SENP6: variants seen among roughly 807,000 people sequenced by gnomAD.
The protein encoded by SENP6 is sentrin-specific protease 6.
In SENP6, 41 loss-of-function variants were observed where a neutral mutation model predicts 134.5. The ratio of observed to expected loss-of-function variants is 0.30; its 90% confidence interval spans 0.24 to 0.40. The LOEUF (loss-of-function observed/expected upper bound fraction) is 0.40. SENP6 is among the 10% of genes least tolerant of loss of function. The pLI, the probability that SENP6 is intolerant of heterozygous loss-of-function variation, is 1.00. For synonymous variants in SENP6, 395 were observed against 429.8 expected (o/e 0.92, Z 1.00); for missense variants, 1,248 against 1,312.5 (o/e 0.95, Z 0.76).
chr6:75,712,521 TA>T (rs796632478), intron 21 of SENP6, among the ~76,000 whole-genome samples: 249 of 145,100 alleles, frequency 1.7e-3, no homozygotes, highest in African/African-American at 4.1e-3. Context: ...TGGAAAAAGT[TA>T]AAAAAAAAAA....
At chr6:75,652,861 T>C (rs768584708) in intron 7 of SENP6, among the ~76,000 whole-genome samples, 3 of 152,142 alleles carry the variant, frequency 2.0e-5, no homozygotes, top group Non-Finnish European at 4.4e-5. Context: ...ATTTTCTTCA[T>C]AACTGGTGAG....
Position 75,667,434 on chromosome 6 carries a change from G to A in SENP6, c.1224+493G>A, listed in dbSNP as rs72654733. Among the ~76,000 whole-genome samples, 1,611 of 151,838 alleles carry A rather than the reference G, an allele frequency of 0.011. 61 individuals are homozygous for A. The East Asian group carries it at 0.14, about 13-fold the overall frequency. ...AGACTGAGAACTCTTAAAAATTACA[G>A]GATAAAAACAAAATGAACAAAGGAT... On this transcript the variant is annotated intron_variant, in intron 10 of 23. Coordinates refer to ENST00000447266, the MANE Select transcript of SENP6 (RefSeq NM_015571.4).
At chr6:75,606,722 G>C (rs562185227) in intron 1 of SENP6, among the ~76,000 whole-genome samples, 1 of 152,216 alleles carries the variant, frequency 6.6e-6, no homozygotes, top group Non-Finnish European at 1.5e-5. Flanking sequence ...AATCAATTCA[G>C]ATTTTTGGAT....
At chr6:75,663,819 TGTGG>T (rs1771967227) in intron 9 of SENP6, among the ~76,000 whole-genome samples, 7 of 90,770 alleles carry the variant, frequency 7.7e-5, no homozygotes, top group African/African-American at 3.4e-4. Context: ...TTTTTTTTTT[TGTGG>T]GGGGGGGGGT....
At chr6:75,649,642 G>A (rs1327054604) in intron 7 of SENP6, among the ~76,000 whole-genome samples, 7 of 151,962 alleles carry the variant, frequency 4.6e-5, no homozygotes, top group Non-Finnish European at 4.4e-5. Flanking sequence ...TCAGCCTCCC[G>A]AGTAGCTGGG....
intron 1 of SENP6, among the ~76,000 whole-genome samples, chr6:75,616,601 C>T (rs942170185): frequency 6.6e-6 from 1 of 151,992 alleles, no homozygotes; most frequent in Non-Finnish European, 1.5e-5. Flanking sequence ...ACAAAATTAG[C>T]CGGGCGTGGT....
intron 1 of SENP6, among the ~76,000 whole-genome samples, chr6:75,607,237 T>C (rs1323964756): frequency 6.6e-6 from 1 of 151,848 alleles, no homozygotes; most frequent in East Asian, 1.9e-4. Flanking sequence ...AGGGCGAGGC[T>C]GCAGTGAGCC....
intron 1 of SENP6, among the ~76,000 whole-genome samples, chr6:75,612,652 T>C (rs918612151): frequency 2.0e-5 from 3 of 152,124 alleles, no homozygotes; most frequent in Non-Finnish European, 4.4e-5. Context: ...AATTAAAACA[T>C]CACTACAGTG....
chr6:75,699,821 A>T (rs1774913278), intron 18 of SENP6, among the ~76,000 whole-genome samples: 1 of 152,110 alleles, frequency 6.6e-6, no homozygotes, highest in Non-Finnish European at 1.5e-5. Flanking sequence ...TAAGCTGTTT[A>T]TTAAAAATTG....
At chr6:75,633,835 T>C (rs1769297463) in intron 4 of SENP6, 109 bp downstream of exon 4, 2 of 900,426 alleles carry the variant, frequency 2.2e-6, no homozygotes, top group Non-Finnish European at 3.2e-6. Flanking sequence ...TGAATTTGTC[T>C]ATAGGGCCAA....
At chr6:75,659,120 T>G in intron 7 of SENP6, 142 bp from the exon 8 acceptor site, 1 of 629,628 alleles carries the variant, frequency 1.6e-6, no homozygotes, top group Non-Finnish European at 2.7e-6. Flanking sequence ...GTGGAGATCC[T>G]GCTGAGGAGT....
At chr6:75,655,329 A>T (rs1363049534) in intron 7 of SENP6, 11 of 152,360 alleles carry the variant, frequency 7.2e-5, no homozygotes, top group Admixed American at 7.2e-4. Context: ...TACTACAATG[A>T]AATACATAAA....
intron 22 of SENP6, 34 bp downstream of exon 22, chr6:75,713,615 G>C: frequency 2.5e-6 from 4 of 1,600,986 alleles, no homozygotes; most frequent in Non-Finnish European, 3.4e-6. Flanking sequence ...TTCTGATGGG[G>C]ATGAAGAACT....
At chr6:75,640,636 A>T in intron 5 of SENP6, 48 bp from the exon 6 acceptor site, 1 of 1,373,978 alleles carries the variant, frequency 7.3e-7, no homozygotes, top group Non-Finnish European at 9.8e-7. Context: ...TGATATATCA[A>T]CAATGAGGTC....
chr6:75,626,892 T>A (rs377338156), intron 3 of SENP6, among the ~76,000 whole-genome samples: 2 of 152,292 alleles, frequency 1.3e-5, no homozygotes, highest in East Asian at 3.9e-4. Flanking sequence ...AACATTTACT[T>A]TTTTTTCCGT....
chr6:75,648,269 A>G (rs1770608706), intron 7 of SENP6, among the ~76,000 whole-genome samples: 1 of 152,312 alleles, frequency 6.6e-6, no homozygotes, highest in East Asian at 1.9e-4. Context: ...TCATATTGAA[A>G]TATTTTTCAA....
At chr6:75,648,443 C>T (rs1359567015) in intron 7 of SENP6, among the ~76,000 whole-genome samples, 2 of 152,110 alleles carry the variant, frequency 1.3e-5, no homozygotes, top group East Asian at 3.8e-4. Flanking sequence ...ATGGCTCTTA[C>T]TTCCAAAATA....
At chr6:75,645,914 G>C (rs1218741796) in intron 6 of SENP6, among the ~76,000 whole-genome samples, 3 of 152,160 alleles carry the variant, frequency 2.0e-5, no homozygotes, top group Admixed American at 2.0e-4. Context: ...ACAATACTTG[G>C]TAAGATTGTA....
At chr6:75,651,664 C>T (rs1411516640) in intron 7 of SENP6, among the ~76,000 whole-genome samples, 2 of 152,034 alleles carry the variant, frequency 1.3e-5, no homozygotes, top group African/African-American at 4.8e-5. Context: ...TATTAACTTT[C>T]AACCAGTCAT....
Sources: gnomAD v4.1 joint callset for allele counts (sites outside exome capture counted in the v4.1 genomes callset) on GRCh38, gnomAD v4.1.1 for gene constraint, MANE v1.5 for transcripts, NCBI Gene and HGNC (gene_info 2026-07-23, HGNC 2026-07-21) for gene names.